MSN: variants seen among roughly 807,000 people sequenced by gnomAD.
MSN encodes epididymis luminal protein 70.
A neutral mutation model predicts 48.0 loss-of-function variants in MSN; 2 were observed. That is an observed-to-expected ratio of 0.04 (90% CI 0.02 to 0.13). MSN has a LOEUF of 0.13. MSN is among the 10% of genes least tolerant of loss of function. The probability of loss-of-function intolerance (pLI) is 1.00; values close to 1 mark genes in which losing one functional copy is unlikely to be tolerated. For synonymous variants in MSN, 146 were observed against 166.9 expected, an observed-to-expected ratio of 0.87 and a Z score of 0.97; for missense variants, 267 against 470.1, an observed-to-expected ratio of 0.57 and a Z score of 3.99.
chrX:65,594,008 T>G (rs1384963919), intron 1 of MSN, among the ~76,000 whole-genome samples: 1 of 112,138 alleles, frequency 8.9e-6, no homozygotes, highest in Non-Finnish European at 1.9e-5. Context: ...GAGTTGCTGG[T>G]GGAAACTGTG....
At chrX:65,677,833 G>A (rs1295036680) in intron 1 of MSN, among the ~76,000 whole-genome samples, 1 of 111,422 alleles carries the variant, frequency 9.0e-6, no homozygotes, top group Non-Finnish European at 1.9e-5. Flanking sequence ...ATTCCCCTTG[G>A]TGCCTGGGCC....
intron 1 of MSN, among the ~76,000 whole-genome samples, chrX:65,647,446 C>T (rs1008358861): frequency 1.1e-4 from 12 of 111,984 alleles, no homozygotes; most frequent in Non-Finnish European, 5.6e-5. Flanking sequence ...CTCCTGACCT[C>T]GTGATCCGCC....
intron 1 of MSN, among the ~76,000 whole-genome samples, chrX:65,634,441 T>A (rs1452250109): frequency 9.0e-6 from 1 of 110,910 alleles, no homozygotes; most frequent in African/African-American, 3.3e-5. Flanking sequence ...GGTGAAACCC[T>A]GTCTCTACTA....
At chrX:65,685,320 C>T in intron 1 of MSN, among the ~76,000 whole-genome samples, 1 of 111,473 alleles carries the variant, frequency 9.0e-6, no homozygotes, top group Non-Finnish European at 1.9e-5. Context: ...TTAGCATGGT[C>T]CCCTTCCTGT....
chrX:65,650,077 T>TTTTTTTTTA (rs2070730589), intron 1 of MSN, among the ~76,000 whole-genome samples: 1 of 93,747 alleles, frequency 1.1e-5, no homozygotes. Flanking sequence ...TTTTTTTTTT[T>TTTTTTTTTA]GAGGCAGAGT....
At chrX:65,611,056 G>A (rs900566879) in intron 1 of MSN, among the ~76,000 whole-genome samples, 2 of 110,797 alleles carry the variant, frequency 1.8e-5, no homozygotes, top group African/African-American at 6.6e-5. Context: ...CCAGGCCTAG[G>A]GAAACCATAA....
intron 1 of MSN, among the ~76,000 whole-genome samples, chrX:65,595,019 C>T (rs758536576): frequency 9.0e-6 from 1 of 111,520 alleles, no homozygotes; most frequent in East Asian, 2.8e-4. Flanking sequence ...TTTAGTGATA[C>T]CTCAAGACTG....
At position 65,729,783 on chromosome X, in the gene MSN, C is replaced by T. The variant is rs761112986; in HGVS notation, c.467+71C>T. On this transcript the variant is annotated intron_variant, in intron 4 of 12. Transcript: ENST00000360270. ...CAGCCCACAGCTGACCAATCCCTGC[C>T]TCACAGGGATGCCAGATCTGTTCTT... is the stretch of plus-strand genomic sequence containing the variant. 927 of 1,052,001 alleles carry T rather than the reference C, an allele frequency of 8.8e-4. 1 individual carries two copies. Among genetic ancestry groups the T allele is most frequent in the Non-Finnish European group, 8.6e-4 (667 of 774,735 alleles). 86.7% of individuals were successfully genotyped at this position (1,052,001 alleles called of 1,213,427 possible). A position where few individuals can be genotyped will look rare whatever the true frequency, so the allele number is the denominator to read the frequency against.
chrX:65,618,775 G>A (rs555104592), intron 1 of MSN, among the ~76,000 whole-genome samples: 91 of 110,618 alleles, frequency 8.2e-4, no homozygotes, highest in African/African-American at 2.7e-3. Context: ...GATTTTGCTC[G>A]TTAGTTGATG....
intron 1 of MSN, among the ~76,000 whole-genome samples, chrX:65,671,168 G>A (rs769053028): frequency 1.9e-5 from 2 of 107,772 alleles, no homozygotes; most frequent in Non-Finnish European, 3.8e-5. Flanking sequence ...TTGTATAGAT[G>A]ATGAAACTGA....
intron 2 of MSN, among the ~76,000 whole-genome samples, chrX:65,722,608 G>A (rs2071529134): frequency 9.1e-6 from 1 of 110,164 alleles, no homozygotes; most frequent in Non-Finnish European, 1.9e-5. Flanking sequence ...TAGTAGAGAT[G>A]GGGTCTCACC....
chrX:65,617,422 G>C (rs1369336949), intron 1 of MSN, among the ~76,000 whole-genome samples: 2 of 105,467 alleles, frequency 1.9e-5, no homozygotes, highest in African/African-American at 8.0e-5. Context: ...ACTTCTTCCT[G>C]GTTTAGTCTT....
At chrX:65,726,448 G>A (rs192554443) in intron 2 of MSN, among the ~76,000 whole-genome samples, 11 of 111,307 alleles carry the variant, frequency 9.9e-5, no homozygotes, top group African/African-American at 3.6e-4. Flanking sequence ...ACTGTTCAGC[G>A]CCTGACACAT....
intron 1 of MSN, among the ~76,000 whole-genome samples, chrX:65,674,843 A>G (rs1302554117): frequency 8.9e-6 from 1 of 111,826 alleles, no homozygotes; most frequent in Non-Finnish European, 1.9e-5. Context: ...GTTGAAAAAC[A>G]GACTCTGGAA....
chrX:65,685,618 CAG>C (rs1463321618), intron 1 of MSN, among the ~76,000 whole-genome samples: 1 of 111,688 alleles, frequency 9.0e-6, no homozygotes, highest in Non-Finnish European at 1.9e-5. Flanking sequence ...TTTTTTGAGA[CAG>C]AGTCTTGCTC....
At chrX:65,712,751 T>C (rs2071426656) in intron 1 of MSN, among the ~76,000 whole-genome samples, 1 of 111,520 alleles carries the variant, frequency 9.0e-6, no homozygotes, top group African/African-American at 3.3e-5. Context: ...TGAAATAGTC[T>C]TCATAAAGAT....
intron 1 of MSN, among the ~76,000 whole-genome samples, chrX:65,673,687 TA>T (rs1471121162): frequency 8.9e-6 from 1 of 112,029 alleles, no homozygotes; most frequent in Non-Finnish European, 1.9e-5. Flanking sequence ...TCCCTAGCCT[TA>T]AGCTTTCCTT....
upstream of MSN, among the ~76,000 whole-genome samples, chrX:65,667,081 T>C (rs2070878527): frequency 9.0e-6 from 1 of 110,880 alleles, no homozygotes; most frequent in Non-Finnish European, 1.9e-5. Context: ...AGAGAATGGA[T>C]GAAGTGTTTT....
At position 65,738,338 on chromosome X, in the gene MSN, A is replaced by T. The variant is rs1055806723; in HGVS notation, c.1252-187A>T. ...CTACAGTCTAGGTGGGGGAGCTCTG[A>T]CTTAAAAGGAAGTGGTGGTCAGGGA... On this transcript the variant is annotated intron_variant, in intron 10 of 12. Coordinates refer to ENST00000360270, the MANE Select transcript of MSN (RefSeq NM_002444.3). Among the ~76,000 whole-genome samples the T allele has an allele frequency of 5.4e-5, 6 of 112,006 alleles. No homozygotes were observed. The East Asian group carries it at 1.4e-3, about 26-fold the overall frequency.
Sources: allele counts gnomAD v4.1 joint callset (sites outside exome capture counted in the v4.1 genomes callset), GRCh38; gene constraint gnomAD v4.1.1; transcripts MANE v1.5; gene names NCBI Gene and HGNC (gene_info 2026-07-23, HGNC 2026-07-21).